DCLK1: variants seen among roughly 807,000 people sequenced by gnomAD.
The protein encoded by DCLK1 is doublecortin like kinase 1, also known as serine/threonine-protein kinase DCLK1.
Under a neutral mutation model 86.2 loss-of-function variants are expected in DCLK1, and 16 were observed. The observed-to-expected ratio is 0.19, with a 90% CI of 0.13 to 0.28. The LOEUF is 0.28. DCLK1 is among the 10% of genes least tolerant of loss of function. The probability of loss-of-function intolerance (pLI) is 1.00; values close to 1 mark genes in which losing one functional copy is unlikely to be tolerated. For synonymous variants in DCLK1, 369 were observed against 370.5 expected (o/e 1.00, Z 0.05); for missense variants, 590 against 940.2 (o/e 0.63, Z 4.87).
At chr13:35,853,039 C>T (rs1926465) in intron 6 of DCLK1, among the ~76,000 whole-genome samples, 156 of 152,252 alleles carry the variant, frequency 1.0e-3, no homozygotes, top group African/African-American at 1.4e-3. Context: ...TATAGATTGA[C>T]GCCTCACTGG....
At chr13:36,028,154 G>T (rs1488530796) in intron 3 of DCLK1, among the ~76,000 whole-genome samples, 1 of 152,154 alleles carries the variant, frequency 6.6e-6, no homozygotes, top group Non-Finnish European at 1.5e-5. Context: ...AATGTAATAT[G>T]CATTTCTTGT....
intron 4 of DCLK1, among the ~76,000 whole-genome samples, chr13:35,911,930 T>C (rs1253254859): frequency 3.9e-5 from 6 of 152,152 alleles, no homozygotes; most frequent in African/African-American, 1.4e-4. Flanking sequence ...CCAGGACCCT[T>C]GGCCCTTCCA....
intron 16 of DCLK1, among the ~76,000 whole-genome samples, chr13:35,789,263 T>C (rs1420332376): frequency 1.3e-5 from 2 of 152,200 alleles, no homozygotes; most frequent in Non-Finnish European, 2.9e-5. Context: ...TGCTTCTAAA[T>C]TCACAAAGGC....
chr13:36,108,358 C>G (rs59139339), intron 3 of DCLK1, among the ~76,000 whole-genome samples: 4,173 of 152,310 alleles, frequency 0.027, 45 homozygotes, highest in South Asian at 0.049. Flanking sequence ...CTAGATTGTG[C>G]AGCATTTCCA....
At chr13:36,025,197 A>T (rs1218018363) in intron 3 of DCLK1, among the ~76,000 whole-genome samples, 1 of 151,856 alleles carries the variant, frequency 6.6e-6, no homozygotes, top group African/African-American at 2.4e-5. Context: ...TGAACTCCTG[A>T]CCTCAGGTGA....
At chr13:35,938,414 G>C (rs896908228) in intron 4 of DCLK1, among the ~76,000 whole-genome samples, 2 of 152,114 alleles carry the variant, frequency 1.3e-5, no homozygotes, top group African/African-American at 4.8e-5. Context: ...TGGATCACGA[G>C]GTCAGGAGAT....
chr13:35,847,200 T>A (rs1319922653), intron 6 of DCLK1: 7 of 982,156 alleles, frequency 7.1e-6, no homozygotes, highest in Non-Finnish European at 8.5e-6. Context: ...TAGCTGAATT[T>A]CAATTTTTTT....
chr13:35,978,795 CA>C (rs1773636001), intron 3 of DCLK1, among the ~76,000 whole-genome samples: 1 of 152,104 alleles, frequency 6.6e-6, no homozygotes, highest in African/African-American at 2.4e-5. Context: ...TGTAAGGCCC[CA>C]TTTCACACAA....
At chr13:35,906,297 G>A (rs1323504345) in intron 4 of DCLK1, among the ~76,000 whole-genome samples, 1 of 150,256 alleles carries the variant, frequency 6.7e-6, no homozygotes, top group African/African-American at 2.5e-5. Flanking sequence ...TCACTTTATG[G>A]TTGGCCAAGT....
At chr13:36,123,513 G>A (rs1886064093) in intron 2 of DCLK1, among the ~76,000 whole-genome samples, 1 of 152,122 alleles carries the variant, frequency 6.6e-6, no homozygotes, top group Non-Finnish European at 1.5e-5. Context: ...TTGATTGAGG[G>A]GAAAAACTCA....
At chr13:35,887,164 C>A (rs376576059) in intron 4 of DCLK1, among the ~76,000 whole-genome samples, 2 of 152,198 alleles carry the variant, frequency 1.3e-5, no homozygotes, top group Non-Finnish European at 2.9e-5. Context: ...TACTTGCTAA[C>A]GATGCTACAT....
chr13:35,971,201 C>T (rs1879042273), intron 3 of DCLK1, among the ~76,000 whole-genome samples: 1 of 152,152 alleles, frequency 6.6e-6, no homozygotes, highest in African/African-American at 2.4e-5. Context: ...TATCAGGATA[C>T]CATTTTCTTG....
intron 5 of DCLK1, among the ~76,000 whole-genome samples, chr13:35,861,832 C>T (rs968252189): frequency 6.9e-6 from 1 of 145,070 alleles, no homozygotes; most frequent in African/African-American, 2.5e-5. Context: ...CGAGACCACC[C>T]TGGATAACAT....
intron 4 of DCLK1, among the ~76,000 whole-genome samples, chr13:35,880,464 G>C (rs1425690135): frequency 6.6e-6 from 1 of 152,158 alleles, no homozygotes; most frequent in Admixed American, 6.5e-5. Flanking sequence ...CTCCAAAATG[G>C]TGTTCCTCAC....
At chr13:36,074,268 C>T (rs1162383369) in intron 3 of DCLK1, among the ~76,000 whole-genome samples, 2 of 151,790 alleles carry the variant, frequency 1.3e-5, no homozygotes, top group South Asian at 2.1e-4. Flanking sequence ...TTTGGGAGGC[C>T]GAGGCGGGCA....
chr13:35,987,256 T>C (rs1358861799), intron 3 of DCLK1, among the ~76,000 whole-genome samples: 1 of 152,024 alleles, frequency 6.6e-6, no homozygotes, highest in Non-Finnish European at 1.5e-5. Context: ...ACCCTGTCTC[T>C]ACTAAAAAAA....
chr13:35,790,579 TA>T (rs1431360084), intron 16 of DCLK1, among the ~76,000 whole-genome samples: 1 of 152,290 alleles, frequency 6.6e-6, no homozygotes, highest in Admixed American at 6.5e-5. Context: ...AGAGCGTATA[TA>T]CCTAGGAAAA....
chr13:36,062,671 A>T (rs1883594869), intron 3 of DCLK1, among the ~76,000 whole-genome samples: 3 of 152,212 alleles, frequency 2.0e-5, no homozygotes, highest in Admixed American at 2.0e-4. Flanking sequence ...CGCTATGAGG[A>T]TGACGACTTG....
chr13:35,998,160 T>A (rs1395245865), intron 3 of DCLK1, among the ~76,000 whole-genome samples: 1 of 152,166 alleles, frequency 6.6e-6, no homozygotes, highest in African/African-American at 2.4e-5. Flanking sequence ...AATTAAGAAG[T>A]ATAAGAAAGT....
Sources: gnomAD v4.1 joint callset for allele counts (sites outside exome capture counted in the v4.1 genomes callset) on GRCh38, gnomAD v4.1.1 for gene constraint, MANE v1.5 for transcripts, NCBI Gene and HGNC (gene_info 2026-07-23, HGNC 2026-07-21) for gene names.